CHL1: variants seen among roughly 807,000 people sequenced by gnomAD.
CHL1 encodes neural cell adhesion molecule L1-like protein.
CHL1 carries 96 observed loss-of-function variants against 141.9 expected under a neutral mutation model. That is an observed-to-expected ratio of 0.68 (90% CI 0.57 to 0.80). CHL1 has a LOEUF of 0.80. Ranked by LOEUF, CHL1 falls within the 30% of genes least tolerant of loss-of-function variation. The pLI, the probability that CHL1 is intolerant of heterozygous loss-of-function variation, is 0.00. For synonymous variants in CHL1, 613 were observed against 502.2 expected (o/e 1.22, Z -2.95); for missense variants, 1,820 against 1,457.2 (o/e 1.25, Z -4.05).
intron 1 of CHL1, among the ~76,000 whole-genome samples, chr3:225,350 G>A (rs1057340673): frequency 6.6e-6 from 1 of 152,164 alleles, no homozygotes; most frequent in Non-Finnish European, 1.5e-5. Flanking sequence ...AACAATAAGT[G>A]TTGAATGTTG....
At chr3:273,373 GT>G (rs1695808773) in intron 2 of CHL1, among the ~76,000 whole-genome samples, 1 of 152,150 alleles carries the variant, frequency 6.6e-6, no homozygotes, top group African/African-American at 2.4e-5. Context: ...GAATCAATAT[GT>G]TTTAGTTTAG....
intron 10 of CHL1, among the ~76,000 whole-genome samples, chr3:350,340 A>G (rs1374953269): frequency 6.6e-6 from 1 of 152,140 alleles, no homozygotes; most frequent in Non-Finnish European, 1.5e-5. Context: ...AATGTGATTG[A>G]CACAGACTAT....
intron 8 of CHL1, 63 bp from the exon 9 acceptor site, chr3:344,526 G>A: frequency 8.0e-7 from 1 of 1,250,002 alleles, no homozygotes; most frequent in Non-Finnish European, 1.1e-6. Context: ...GAAAGATGTG[G>A]TGTCACAGAA....
chr3:223,598 G>GT (rs1701060367), intron 1 of CHL1, among the ~76,000 whole-genome samples: 1 of 152,202 alleles, frequency 6.6e-6, no homozygotes, highest in African/African-American at 2.4e-5. Context: ...ATCAAAAATT[G>GT]TATTATAATT....
intron 19 of CHL1, among the ~76,000 whole-genome samples, chr3:386,943 G>A (rs533886341): frequency 2.6e-5 from 4 of 152,184 alleles, no homozygotes; most frequent in African/African-American, 7.2e-5. Context: ...TATATTTTGA[G>A]TAGCTCAATT....
intron 15 of CHL1, among the ~76,000 whole-genome samples, chr3:374,753 A>G (rs1459504433): frequency 1.3e-5 from 2 of 152,196 alleles, no homozygotes; most frequent in African/African-American, 4.8e-5. Context: ...TGCCAAGGGC[A>G]TGCACGGTGA....
At chr3:358,239 A>T (rs1211609378) in intron 11 of CHL1, among the ~76,000 whole-genome samples, 1 of 152,036 alleles carries the variant, frequency 6.6e-6, no homozygotes, top group Non-Finnish European at 1.5e-5. Context: ...CAGCTTTTCC[A>T]GGCTGCCCAC....
intron 2 of CHL1, among the ~76,000 whole-genome samples, chr3:293,826 T>C (rs920264774): frequency 4.0e-5 from 6 of 149,732 alleles, no homozygotes; most frequent in Non-Finnish European, 8.9e-5. Context: ...TTTTTTGAGA[T>C]GGAGTCTTGC....
chr3:288,420 G>T (rs1414830764), intron 2 of CHL1, among the ~76,000 whole-genome samples: 1 of 151,740 alleles, frequency 6.6e-6, no homozygotes. Context: ...ACTGGTTACA[G>T]TTTGCTACTA....
chr3:364,218 G>A (rs1459782557), intron 14 of CHL1, among the ~76,000 whole-genome samples: 1 of 150,452 alleles, frequency 6.6e-6, no homozygotes, highest in South Asian at 2.1e-4. Flanking sequence ...TATAGCATTT[G>A]TCTCTTTCTG....
chr3:285,014 G>A (rs1222644098), intron 2 of CHL1, among the ~76,000 whole-genome samples: 1 of 152,108 alleles, frequency 6.6e-6, no homozygotes, highest in Non-Finnish European at 1.5e-5. Context: ...GAACTATTTT[G>A]CATATGCTTG....
intron 15 of CHL1, among the ~76,000 whole-genome samples, chr3:373,356 G>T (rs1361320330): frequency 6.6e-6 from 1 of 151,902 alleles, no homozygotes; most frequent in African/African-American, 2.4e-5. Context: ...GATGGGTCAG[G>T]GTCAGGCCTG....
rs1039543448 is a variant in CHL1 at position 360,397 on chromosome 3, C to T, written c.1279C>T (p.Leu427Phe). The T allele has an allele frequency of 6.8e-6, 11 of 1,613,588 alleles. No individual in the cohort carries two copies. The highest frequency in any genetic ancestry group is 1.3e-5 in the African/African-American group (1 of 74,866). Residue 427 changes from leucine (L) to phenylalanine (F), a missense_variant, in exon 12 of 28, where the codon CTT becomes TTT. Transcript: ENST00000256509. The stretch of plus-strand genomic sequence containing the variant: ...AGCCTCAAATGTCCATGGAACTATC[C>T]TTGCCAATGCCAATATTGATGTTGT... Reference protein sequence around the residue: ...CEASNVHGTILANANIDVVDV... With the variant: ...CEASNVHGTIFANANIDVVDV...
At chr3:290,013 G>A (rs1697538950) in intron 2 of CHL1, among the ~76,000 whole-genome samples, 1 of 136,992 alleles carries the variant, frequency 7.3e-6, no homozygotes, top group African/African-American at 2.9e-5. Flanking sequence ...TATACTCATA[G>A]CCAATAGCAC....
chr3:241,059 A>G (rs1257419090), intron 1 of CHL1, among the ~76,000 whole-genome samples: 3 of 152,210 alleles, frequency 2.0e-5, no homozygotes, highest in Non-Finnish European at 4.4e-5. Flanking sequence ...CATTGGTACA[A>G]CTAATATATG....
chr3:209,797 A>G (rs1330944362), intron 1 of CHL1, among the ~76,000 whole-genome samples: 2 of 152,180 alleles, frequency 1.3e-5, no homozygotes, highest in East Asian at 3.9e-4. Context: ...CAAATCTTTT[A>G]AACGGTTTCT....
At chr3:349,647 T>C in intron 10 of CHL1, 104 bp downstream of exon 10, 1 of 985,382 alleles carries the variant, frequency 1.0e-6, no homozygotes. Context: ...AGGTCAGCAG[T>C]TTCAACTTTT....
intron 5 of CHL1, among the ~76,000 whole-genome samples, chr3:333,143 T>TTTTTTTTTTTTTTTTTTTTTTTTTTTC (rs1237327395): frequency 1.4e-5 from 2 of 144,756 alleles, no homozygotes; most frequent in Admixed American, 1.4e-4. Context: ...ATTTTTTTTT[T>TTTTTTTTTTTTTTTTTTTTTTTTTTTC]TTGCTGCTGC....
chr3:279,433 T>C (rs1696441073), intron 2 of CHL1, among the ~76,000 whole-genome samples: 1 of 152,196 alleles, frequency 6.6e-6, no homozygotes, highest in South Asian at 2.1e-4. Context: ...CTGTGAGTTT[T>C]AAAATTCATA....
Sources: gnomAD v4.1 joint callset for allele counts (sites outside exome capture counted in the v4.1 genomes callset) on GRCh38, gnomAD v4.1.1 for gene constraint, MANE v1.5 for transcripts, NCBI Gene and HGNC (gene_info 2026-07-23, HGNC 2026-07-21) for gene names.